The following SRGAP3 variants were observed in gnomAD, a reference collection of about 807,000 sequenced individuals.
The protein encoded by SRGAP3 is SLIT-ROBO Rho GTPase activating protein 3.
In SRGAP3, 39 loss-of-function variants were observed where a neutral mutation model predicts 121.1. The observed-to-expected ratio is 0.32, with a 90% CI of 0.25 to 0.42. SRGAP3 has a LOEUF of 0.42. Among genes scored for constraint, SRGAP3 ranks in the 10% least tolerant of loss-of-function variants. The pLI, the probability that SRGAP3 is intolerant of heterozygous loss-of-function variation, is 1.00. For missense variants in SRGAP3, 1,213 were observed against 1,470.6 expected (o/e 0.82, Z 2.86); for synonymous variants, 601 against 570.0 (o/e 1.05, Z -0.77).
chr3:9,147,646 A>T (rs1487678171), intron 1 of SRGAP3, among the ~76,000 whole-genome samples: 1 of 152,132 alleles, frequency 6.6e-6, no homozygotes, highest in Non-Finnish European at 1.5e-5. Flanking sequence ...AGGCAGAATG[A>T]TTCATGAGAG....
At chr3:9,348,743 GA>G in intron 1 of SRGAP3, 1 of 1,325,720 alleles carries the variant, frequency 7.5e-7, no homozygotes. Context: ...CAATAAAGCA[GA>G]AACTGCTGCA....
chr3:9,079,931 G>A, intron 4 of SRGAP3, 94 bp downstream of exon 4: 1 of 1,388,086 alleles, frequency 7.2e-7, no homozygotes. Context: ...AAAGGCCTGG[G>A]GTCATTCCAG....
At chr3:9,210,817 G>A (rs552775739) in intron 1 of SRGAP3, among the ~76,000 whole-genome samples, 43 of 152,250 alleles carry the variant, frequency 2.8e-4, no homozygotes, top group African/African-American at 9.4e-4. Flanking sequence ...GTCACAGAGC[G>A]AGACTCTGTC....
chr3:9,249,734 T>C (rs1008879158), upstream of SRGAP3: 15 of 223,486 alleles, frequency 6.7e-5, no homozygotes, highest in Middle Eastern at 1.3e-3. Flanking sequence ...TGACACATTG[T>C]AGCCTACAGG....
At chr3:9,051,218 C>T (rs967273505) in intron 9 of SRGAP3, among the ~76,000 whole-genome samples, 1 of 151,828 alleles carries the variant, frequency 6.6e-6, no homozygotes, top group Admixed American at 6.6e-5. Context: ...CCTATGTTGC[C>T]GAAGCTGGTC....
chr3:9,200,460 T>C (rs888960214), intron 1 of SRGAP3, among the ~76,000 whole-genome samples: 3 of 151,978 alleles, frequency 2.0e-5, no homozygotes, highest in East Asian at 1.9e-4. Flanking sequence ...CAAAAGACCA[T>C]AGTAAATGTG....
At chr3:9,012,106 T>C (rs1422906869) in intron 17 of SRGAP3, among the ~76,000 whole-genome samples, 1 of 152,138 alleles carries the variant, frequency 6.6e-6, no homozygotes, top group Non-Finnish European at 1.5e-5. Context: ...TCAAACGAGA[T>C]TAGAGAGCTG....
chr3:9,343,146 T>G (rs910566919), intron 1 of SRGAP3, among the ~76,000 whole-genome samples: 5 of 152,224 alleles, frequency 3.3e-5, no homozygotes, highest in African/African-American at 1.2e-4. Flanking sequence ...ATTCTCCTTT[T>G]TGCTCAACTG....
rs532602901 is a variant in SRGAP3 at position 9,123,732 on chromosome 3, A to ATGTGTGTGTGTGTGTGTGTGTGTGTG, written c.260+992_260+993insCACACACACACACACACACACACACA. 1.4e-3 allele frequency among the ~76,000 whole-genome samples: 190 copies of ATGTGTGTGTGTGTGTGTGTGTGTGTG among 139,066 alleles called. 1 individual carries two copies. The highest frequency in any genetic ancestry group is 4.5e-3 in the African/African-American group (155 of 34,766). 91.2% of individuals were successfully genotyped at this position (139,066 alleles called of 152,430 possible). A position where few individuals can be genotyped will look rare whatever the true frequency, so the allele number is the denominator to read the frequency against. On this transcript the variant is annotated intron_variant, in intron 2 of 21. Transcript: ENST00000383836. ...AATATATATATATATATATGTATAT[A>ATGTGTGTGTGTGTGTGTGTGTGTGTG]TGTGTGTGTGTGTGTGTGTGTGTAT...
intron 3 of SRGAP3, among the ~76,000 whole-genome samples, chr3:9,260,081 G>A (rs950661461): frequency 3.3e-5 from 5 of 152,052 alleles, no homozygotes; most frequent in Admixed American, 6.6e-5. Context: ...AAGGGAAGTC[G>A]TGAGGAACTG....
At chr3:9,175,255 C>G (rs1212032040) in intron 1 of SRGAP3, among the ~76,000 whole-genome samples, 2 of 152,238 alleles carry the variant, frequency 1.3e-5, no homozygotes, top group Non-Finnish European at 2.9e-5. Context: ...GTTTCTATCT[C>G]TAACAGGGCA....
intron 1 of SRGAP3, among the ~76,000 whole-genome samples, chr3:9,210,703 G>A (rs2125176701): frequency 6.6e-6 from 1 of 152,110 alleles, no homozygotes; most frequent in South Asian, 2.1e-4. Context: ...GGTGGCGCAT[G>A]CCTATAGTCC....
In SRGAP3 at chr3:8,982,325, G is replaced by A. The variant is rs974310373; in HGVS notation, c.*3194C>T. On this transcript the variant is annotated 3_prime_UTR_variant, in exon 22 of 22. Coordinates refer to ENST00000383836, the MANE Select transcript of SRGAP3 (RefSeq NM_014850.4). ...CCGTTGTCAACTAACTGATCAGTAC[G>A]GCTTTCAATAATGGTGATGAACAAG... 10 of 227,300 alleles carry A rather than the reference G, an allele frequency of 4.4e-5. No homozygotes were observed. Among genetic ancestry groups the A allele is most frequent in the African/African-American group, 1.8e-4 (8 of 44,984 alleles). The allele number at this position is 227,300 out of a possible 1,614,324, so 14.1% of individuals were successfully genotyped here. A position where few individuals can be genotyped will look rare whatever the true frequency, so the allele number is the denominator to read the frequency against.
At chr3:9,031,777 T>A (rs1300365356) in intron 12 of SRGAP3, among the ~76,000 whole-genome samples, 1 of 152,222 alleles carries the variant, frequency 6.6e-6, no homozygotes, top group African/African-American at 2.4e-5. Flanking sequence ...TTCTCCTGAT[T>A]GATATCTATC....
In SRGAP3 at chr3:8,985,152, G is replaced by C. The variant is rs986528458; in HGVS notation, c.*367C>G. 2 of 363,004 alleles carry C rather than the reference G, an allele frequency of 5.5e-6. No individual in the cohort carries two copies. Among genetic ancestry groups the C allele is most frequent in the Admixed American group, 4.4e-5 (1 of 22,728 alleles). The allele number at this position is 363,004 out of a possible 1,614,324, so 22.5% of individuals were successfully genotyped here. On this transcript the variant is annotated 3_prime_UTR_variant, in exon 22 of 22. Transcript: ENST00000383836. The surrounding 1 kb of genome is among the most constrained non-coding windows in gnomAD (Gnocchi z 5.1). ...TACATACGTATACATGTGTATATAT[G>C]CACACATCGATATACACACACATAT... is the stretch of plus-strand genomic sequence containing the variant.
At chr3:9,006,293 C>A (rs1161767) in intron 18 of SRGAP3, among the ~76,000 whole-genome samples, 2 of 151,276 alleles carry the variant, frequency 1.3e-5, no homozygotes, top group Admixed American at 6.6e-5. Flanking sequence ...CCAGCTACTC[C>A]GGAGGCTGAG....
At chr3:9,185,272 C>G (rs1156889585) in intron 1 of SRGAP3, among the ~76,000 whole-genome samples, 2 of 152,184 alleles carry the variant, frequency 1.3e-5, no homozygotes, top group African/African-American at 2.4e-5. Flanking sequence ...CATGCAAGGC[C>G]TCTTCCACAC....
At chr3:8,988,753 C>G (rs2648333) in intron 21 of SRGAP3, among the ~76,000 whole-genome samples, 18,389 of 152,222 alleles carry the variant, frequency 0.12, 1,276 homozygotes, top group African/African-American at 0.2. Flanking sequence ...CAGGAGGATG[C>G]TTTCGGATGA....
At chr3:9,306,053 T>C (rs1252494613) in intron 3 of SRGAP3, among the ~76,000 whole-genome samples, 1 of 152,094 alleles carries the variant, frequency 6.6e-6, no homozygotes, top group African/African-American at 2.4e-5. Context: ...CTATTTCTTC[T>C]CCACATCCTC....
Sources: gnomAD v4.1 joint callset for allele counts (sites outside exome capture counted in the v4.1 genomes callset) on GRCh38, gnomAD v4.1.1 for gene constraint, Gnocchi (gnomAD v3.1) non-coding constraint, MANE v1.5 for transcripts, NCBI Gene and HGNC (gene_info 2026-07-23, HGNC 2026-07-21) for gene names.